RXRA: variants seen among roughly 807,000 people sequenced by gnomAD.
The protein encoded by RXRA is retinoic acid receptor RXR-alpha.
In RXRA, 5 loss-of-function variants were observed where a neutral mutation model predicts 44.5. That is an observed-to-expected ratio of 0.11 (90% CI 0.06 to 0.24). RXRA has a LOEUF of 0.24. Among genes scored for constraint, RXRA ranks in the 10% least tolerant of loss-of-function variants. The pLI is 1.00. For synonymous variants in RXRA, 291 were observed against 271.4 expected (o/e 1.07, Z -0.71); for missense variants, 412 against 646.5 (o/e 0.64, Z 3.93).
chr9:134,357,431 C>T (rs946781749), intron 1 of RXRA, among the ~76,000 whole-genome samples: 8 of 152,120 alleles, frequency 5.3e-5, no homozygotes, highest in South Asian at 4.1e-4. Context: ...TGAAGTCAGG[C>T]GCTTTGTGGG....
At chr9:134,338,199 G>T (rs1017061485) in intron 1 of RXRA, among the ~76,000 whole-genome samples, 8 of 152,182 alleles carry the variant, frequency 5.3e-5, no homozygotes, top group Admixed American at 1.3e-4. Flanking sequence ...CTGTCCCGGG[G>T]CCTCCCTGGG....
At chr9:134,390,799 C>T (rs1362593919) in intron 1 of RXRA, among the ~76,000 whole-genome samples, 1 of 152,138 alleles carries the variant, frequency 6.6e-6, no homozygotes, top group Non-Finnish European at 1.5e-5. Context: ...TCTGCAGATG[C>T]CCCGCCAGTC....
At chr9:134,354,980 G>C (rs933888084) in intron 1 of RXRA, among the ~76,000 whole-genome samples, 4 of 152,246 alleles carry the variant, frequency 2.6e-5, no homozygotes, top group Non-Finnish European at 5.9e-5. Context: ...CTGGAGCAGA[G>C]GGGCTCTGGG....
At chr9:134,332,016 C>T (rs1178649944) in intron 1 of RXRA, among the ~76,000 whole-genome samples, 15 of 152,226 alleles carry the variant, frequency 9.9e-5, no homozygotes, top group Admixed American at 9.8e-4. Flanking sequence ...GAGGTCTCAC[C>T]ATGCCAGCTC....
At chr9:134,409,481 AC>A in intron 4 of RXRA, among the ~76,000 whole-genome samples, 1 of 152,278 alleles carries the variant, frequency 6.6e-6, no homozygotes, top group Admixed American at 6.5e-5. Flanking sequence ...ACTCTGTGGC[AC>A]CCCGCAGGGC....
chr9:134,428,316 C>T (rs1256592542), intron 6 of RXRA, among the ~76,000 whole-genome samples: 1 of 145,480 alleles, frequency 6.9e-6, no homozygotes, highest in Non-Finnish European at 1.5e-5. Context: ...ACCTAACTGT[C>T]CCCCAGGGAA....
At chr9:134,371,266 T>C (rs1830488033) in intron 1 of RXRA, among the ~76,000 whole-genome samples, 1 of 152,182 alleles carries the variant, frequency 6.6e-6, no homozygotes, top group African/African-American at 2.4e-5. Context: ...GAAAAGTCCC[T>C]TGACCCCCCC....
At chr9:134,369,374 G>T (rs1332985177) in intron 1 of RXRA, among the ~76,000 whole-genome samples, 10 of 119,206 alleles carry the variant, frequency 8.4e-5, no homozygotes, top group Non-Finnish European at 1.5e-4. Flanking sequence ...TGTGTGCGGG[G>T]GTTGTGTGTG....
rs1042377678 is a variant in RXRA, at chr9:134,433,386, G to A, written c.1136-716G>A. On this transcript the variant is annotated intron_variant, in intron 8 of 9. Transcript: ENST00000481739. The surrounding 1 kb of genome is among the most constrained non-coding windows in gnomAD (Gnocchi z 4.2). The stretch of plus-strand genomic sequence containing the variant: ...CCAGGCACAGGCTTGCAGGGAAAGC[G>A]AAGAGACCAGGGCACAGGCATGCAG... Among the ~76,000 whole-genome samples, 11 of 152,032 alleles carry A rather than the reference G, an allele frequency of 7.2e-5. No individual in the cohort carries two copies. The highest frequency in any genetic ancestry group is 2.1e-4 in the South Asian group (1 of 4,818).
In RXRA at chr9:134,408,229, C is replaced by T. The variant is rs147223381; in HGVS notation, c.360C>T (p.Pro120=). 5.0e-4 allele frequency: 806 copies of T among 1,612,056 alleles called. 8 individuals are homozygous for T. The highest frequency in any genetic ancestry group is 4.0e-3 in the South Asian group (364 of 90,932). Residue 120 remains proline, a synonymous_variant, in exon 3 of 10, where the codon CCC becomes CCT. Transcript: ENST00000481739. ...PLGLNGVLKV[P]AHPSGNMASF... is the part of the protein sequence containing the mutation. ...GCCTCAATGGCGTCCTCAAGGTCCCCGCCCACCCCTCAGGAAACATGGCTT... is the reference window on the plus strand; with the variant it reads ...GCCTCAATGGCGTCCTCAAGGTCCCTGCCCACCCCTCAGGAAACATGGCTT...
intron 1 of RXRA, among the ~76,000 whole-genome samples, chr9:134,330,246 C>T (rs963936981): frequency 2.0e-5 from 3 of 152,226 alleles, no homozygotes; most frequent in African/African-American, 7.2e-5. Context: ...GCTTTGCAAG[C>T]CAAGACCTGC....
chr9:134,432,224 A>G lies in RXRA; in HGVS notation c.1135+228A>G, dbSNP rs374981179. On this transcript the variant is annotated intron_variant, in intron 8 of 9. Transcript: ENST00000481739. ...TCCCTGGGCACAGGGGGACCCAGCA[A>G]GGCAGTTGTCATGAGGGGCTTGGTG... is the stretch of plus-strand genomic sequence containing the variant. 4.6e-5 allele frequency among the ~76,000 whole-genome samples: 7 copies of G among 152,184 alleles called. No individual in the cohort carries two copies. In the East Asian group the frequency reaches 7.7e-4, roughly 17 times the overall value.
At chr9:134,389,746 T>C (rs769793216) in intron 1 of RXRA, among the ~76,000 whole-genome samples, 2 of 152,092 alleles carry the variant, frequency 1.3e-5, no homozygotes, top group Non-Finnish European at 2.9e-5. Flanking sequence ...CGGGAGGCAC[T>C]CTGTGGATGG....
intron 1 of RXRA, among the ~76,000 whole-genome samples, chr9:134,388,634 C>T (rs529269887): frequency 4.5e-4 from 69 of 152,344 alleles, no homozygotes; most frequent in African/African-American, 1.5e-3. Flanking sequence ...AGGAGCCTCT[C>T]CTGTGAGTCA....
At chr9:134,396,921 G>C (rs1196576190) in intron 1 of RXRA, among the ~76,000 whole-genome samples, 5 of 152,202 alleles carry the variant, frequency 3.3e-5, no homozygotes, top group Non-Finnish European at 4.4e-5. Flanking sequence ...CCTCTCCAAG[G>C]GCCGGAGGTT....
intron 4 of RXRA, among the ~76,000 whole-genome samples, chr9:134,411,243 A>C (rs757474047): frequency 2.0e-5 from 3 of 152,174 alleles, no homozygotes; most frequent in Non-Finnish European, 4.4e-5. Flanking sequence ...GCCTGGGATC[A>C]TCAGACTCCA....
intron 4 of RXRA, among the ~76,000 whole-genome samples, chr9:134,415,833 G>A (rs1831224647): frequency 6.6e-6 from 1 of 152,222 alleles, no homozygotes; most frequent in South Asian, 2.1e-4. Context: ...TGGAGTAGGG[G>A]CGTGGAGCTG....
At chr9:134,356,434 G>A (rs549542653) in intron 1 of RXRA, among the ~76,000 whole-genome samples, 244 of 152,034 alleles carry the variant, frequency 1.6e-3, no homozygotes, top group Admixed American at 3.6e-3. Flanking sequence ...CATGCTGGCC[G>A]GGCCGGGGAG....
intron 1 of RXRA, among the ~76,000 whole-genome samples, chr9:134,383,925 C>T (rs1285677480): frequency 1.3e-5 from 2 of 152,062 alleles, no homozygotes; most frequent in East Asian, 1.9e-4. Flanking sequence ...GCCAAGGGAC[C>T]GTCTGGCCTG....
Sources: gnomAD v4.1 joint callset for allele counts (sites outside exome capture counted in the v4.1 genomes callset) on GRCh38, gnomAD v4.1.1 for gene constraint, Gnocchi (gnomAD v3.1) non-coding constraint, MANE v1.5 for transcripts, NCBI Gene and HGNC (gene_info 2026-07-23, HGNC 2026-07-21) for gene names.